TCF20: variants seen among roughly 807,000 people sequenced by gnomAD.
The protein encoded by TCF20 is transcription factor 20, also known as SPRE-binding protein.
TCF20 carries 3 observed loss-of-function variants against 148.6 expected under a neutral mutation model. That is an observed-to-expected ratio of 0.02 (90% confidence interval 0.01 to 0.05). The LOEUF is 0.05. TCF20 is among the 10% of genes least tolerant of loss of function. TCF20 has a pLI of 1.00. For synonymous variants in TCF20, 1,049 were observed against 909.5 expected, an observed-to-expected ratio of 1.15 and a Z score of -2.76; for missense variants, 2,350 against 2,429.3, an observed-to-expected ratio of 0.97 and a Z score of 0.69.
intron 1 of TCF20, among the ~76,000 whole-genome samples, chr22:42,223,662 C>G (rs1038159391): frequency 6.6e-6 from 1 of 152,104 alleles, no homozygotes; most frequent in Admixed American, 6.6e-5. Flanking sequence ...TCTGTATTTC[C>G]CAATCTGTGA....
chr22:42,162,392 G>A (rs1320533093), intron 5 of TCF20, among the ~76,000 whole-genome samples: 2 of 152,084 alleles, frequency 1.3e-5, no homozygotes, highest in Middle Eastern at 6.3e-3. Flanking sequence ...GACCTCTCAG[G>A]AACCTGAGAC....
intron 1 of TCF20, among the ~76,000 whole-genome samples, chr22:42,316,594 C>T (rs555644087): frequency 1.3e-5 from 2 of 152,304 alleles, no homozygotes; most frequent in African/African-American, 4.8e-5. Flanking sequence ...TGCGCCACCA[C>T]GCCCGGCTGA....
rs532782069 is a variant in TCF20 at position 42,239,761 on chromosome 22, C to T, written c.-36-24420G>A. Reference sequence around the variant, plus strand: ...GAGATGGCGCCACTTCACTCCAGTGCAGCTCTGGGAGACAGAGCGAGACTC... The same window carrying T: ...GAGATGGCGCCACTTCACTCCAGTGTAGCTCTGGGAGACAGAGCGAGACTC... On this transcript the variant is annotated intron_variant, in intron 1 of 5. Transcript: ENST00000677622. Among the ~76,000 whole-genome samples the T allele has an allele frequency of 1.1e-4, 17 of 152,238 alleles. No homozygotes were observed. The South Asian group carries it at 3.3e-3, about 30-fold the overall frequency.
chr22:42,222,240 T>C (rs1331358021), intron 1 of TCF20, among the ~76,000 whole-genome samples: 2 of 152,202 alleles, frequency 1.3e-5, no homozygotes, highest in African/African-American at 4.8e-5. Flanking sequence ...CTGACCCAAC[T>C]GCCTATTCTC....
At chr22:42,228,349 G>A (rs1489560468) in intron 1 of TCF20, among the ~76,000 whole-genome samples, 1 of 152,224 alleles carries the variant, frequency 6.6e-6, no homozygotes, top group Non-Finnish European at 1.5e-5. Context: ...ATAAACAGCA[G>A]CAGCCAACAC....
intron 1 of TCF20, among the ~76,000 whole-genome samples, chr22:42,324,107 T>A (rs1190900729): frequency 9.6e-5 from 12 of 125,148 alleles, no homozygotes; most frequent in African/African-American, 3.5e-4. Context: ...GTTATGGTGG[T>A]GGTGGTGGTG....
chr22:42,242,218 A>AAAAACAAAAAAAC, intron 1 of TCF20, among the ~76,000 whole-genome samples: 1 of 142,586 alleles, frequency 7.0e-6, no homozygotes, highest in African/African-American at 2.8e-5. Context: ...AAAAAAAAAA[A>AAAAACAAAAAAAC]AAAAAAAAAC....
At chr22:42,334,806 G>A (rs1321734509) in intron 1 of TCF20, among the ~76,000 whole-genome samples, 1 of 152,092 alleles carries the variant, frequency 6.6e-6, no homozygotes, top group African/African-American at 2.4e-5. Context: ...AGTGGGGAAG[G>A]ATCTGGCCCC....
chr22:42,190,966 CTAAT>C (rs948751895), intron 2 of TCF20, among the ~76,000 whole-genome samples: 4 of 152,158 alleles, frequency 2.6e-5, no homozygotes, highest in African/African-American at 9.7e-5. Context: ...CACTGTAACT[CTAAT>C]TATCCTGGGT....
chr22:42,213,970 T>C lies in TCF20; in HGVS notation c.1336A>G (p.Lys446Glu). Reference protein sequence around the residue: ...KGFGLEGVPEKRLTDPGLSSL... With the variant: ...KGFGLEGVPEERLTDPGLSSL... ...CTCAACCCAGGATCTGTCAGTCGCT[T>C]TTCTGGTACCCCTTCTAGTCCAAAC... Residue 446 changes from lysine to glutamate, a missense_variant, in exon 2 of 6, where the codon AAG becomes GAG. This residue lies in a region of TCF20 where 1,641 missense variants were observed against 1,662.6 expected (regional missense o/e 0.99). Transcript: ENST00000677622. 6.2e-7 allele frequency: 1 copy of C among 1,614,166 alleles called. No homozygotes were observed. The highest frequency in any genetic ancestry group is 1.3e-5 in the African/African-American group (1 of 75,060).
At chr22:42,235,498 C>G (rs1373148870) in intron 1 of TCF20, among the ~76,000 whole-genome samples, 1 of 151,994 alleles carries the variant, frequency 6.6e-6, no homozygotes, top group Non-Finnish European at 1.5e-5. Context: ...ACAAAGAGAC[C>G]AAGAAAAACA....
intron 1 of TCF20, among the ~76,000 whole-genome samples, chr22:42,307,164 G>A (rs1569205774): frequency 6.6e-6 from 1 of 152,196 alleles, no homozygotes; most frequent in Admixed American, 6.5e-5. Flanking sequence ...GATGCACCAA[G>A]GGAGGCAGCA....
chr22:42,215,501 C>CAAAAA, intron 1 of TCF20, 160 bp from the exon 2 acceptor site: 3 of 924,604 alleles, frequency 3.2e-6, no homozygotes, highest in African/African-American at 1.7e-5. Flanking sequence ...ACAAGAGTCT[C>CAAAAA]ACTCTGTCAC....
At chr22:42,229,001 C>T (rs1938276594) in intron 1 of TCF20, among the ~76,000 whole-genome samples, 1 of 152,192 alleles carries the variant, frequency 6.6e-6, no homozygotes, top group African/African-American at 2.4e-5. Context: ...ACTTGTCCGG[C>T]ATTTGGTATG....
chr22:42,184,433 T>C (rs1432494083), intron 2 of TCF20, among the ~76,000 whole-genome samples: 1 of 152,196 alleles, frequency 6.6e-6, no homozygotes, highest in Non-Finnish European at 1.5e-5. Flanking sequence ...GTATCTTCCA[T>C]GTGTAAGGTT....
intron 2 of TCF20, among the ~76,000 whole-genome samples, chr22:42,206,210 T>C (rs1938373970): frequency 6.6e-6 from 1 of 152,176 alleles, no homozygotes; most frequent in South Asian, 2.1e-4. Flanking sequence ...ATAATAAATG[T>C]TGAAATAACG....
intron 1 of TCF20, among the ~76,000 whole-genome samples, chr22:42,220,392 C>G (rs889836000): frequency 2.6e-5 from 4 of 152,188 alleles, no homozygotes; most frequent in African/African-American, 9.7e-5. Flanking sequence ...GAGACAGAGT[C>G]TCACTGTGCT....
intron 2 of TCF20, among the ~76,000 whole-genome samples, chr22:42,204,879 A>T (rs1174690752): frequency 6.6e-6 from 1 of 152,118 alleles, no homozygotes; most frequent in East Asian, 1.9e-4. Flanking sequence ...AAATTAACCT[A>T]AAACCAGTTA....
At chr22:42,261,136 A>C (rs543447119) in intron 1 of TCF20, among the ~76,000 whole-genome samples, 1 of 152,290 alleles carries the variant, frequency 6.6e-6, no homozygotes, top group South Asian at 2.1e-4. Flanking sequence ...TTTTTCACTG[A>C]GCATATTTGT....
Sources: allele counts gnomAD v4.1 joint callset (sites outside exome capture counted in the v4.1 genomes callset), GRCh38; gene constraint gnomAD v4.1.1; regional missense constraint gnomAD v4.1.1; transcripts MANE v1.5; gene names NCBI Gene and HGNC (gene_info 2026-07-23, HGNC 2026-07-21).